Variants in TLL2 observed in about 807,000 individuals in gnomAD.
TLL2 encodes tolloid like 2.
In TLL2, 106 loss-of-function variants were observed where a neutral mutation model predicts 123.0. That is an observed-to-expected ratio of 0.86 (90% CI 0.74 to 1.01). The LOEUF is 1.01. Among genes scored for constraint, TLL2 ranks in the 50% least tolerant of loss-of-function variants. The pLI, the probability that TLL2 is intolerant of heterozygous loss-of-function variation, is 0.00. For synonymous variants in TLL2, 494 were observed against 516.8 expected (o/e 0.96, Z 0.60); for missense variants, 1,332 against 1,336.7 (o/e 1.00, Z 0.06).
chr10:96,386,269 T>C, intron 14 of TLL2, 54 bp from the exon 15 acceptor site: 1 of 1,475,576 alleles, frequency 6.8e-7, no homozygotes, highest in Non-Finnish European at 9.0e-7. Context: ...CAGGTGACTG[T>C]GATTTCCCAC....
intron 17 of TLL2, among the ~76,000 whole-genome samples, chr10:96,377,377 T>C (rs1358567266): frequency 6.6e-6 from 1 of 152,168 alleles, no homozygotes; most frequent in Non-Finnish European, 1.5e-5. Context: ...GTCTACCAAG[T>C]TTGTCCTGGT....
intron 4 of TLL2, among the ~76,000 whole-genome samples, chr10:96,431,404 C>T (rs922944973): frequency 2.0e-5 from 3 of 152,156 alleles, no homozygotes; most frequent in Non-Finnish European, 4.4e-5. Context: ...TACTCATCAG[C>T]GATTCTCAGT....
chr10:96,373,143 AT>A (rs147456510), intron 19 of TLL2: 21,719 of 153,568 alleles, frequency 0.14, 1,603 homozygotes, highest in South Asian at 0.23. Flanking sequence ...GCTTCATTTT[AT>A]TTTTTTTATT....
intron 3 of TLL2, among the ~76,000 whole-genome samples, chr10:96,441,025 G>A (rs1251033611): frequency 6.6e-6 from 1 of 152,152 alleles, no homozygotes; most frequent in African/African-American, 2.4e-5. Context: ...TTAACACGCT[G>A]GGGGTAGGGT....
At position 96,368,227 on chromosome 10, in the gene TLL2, G is replaced by A. The variant is rs761115276; in HGVS notation, c.2914-5C>T. On this transcript the variant is annotated splice_region_variant and splice_polypyrimidine_tract_variant and intron_variant, in intron 20 of 20. Transcript: ENST00000357947. ...AGAGTAGATTTCTTCTAATGGCTGA[G>A]GAAAGGAGAAAGGGAAACGAGAAGG... 7.5e-5 allele frequency: 121 copies of A among 1,613,530 alleles called. No homozygotes were observed. The highest frequency in any genetic ancestry group is 9.7e-5 in the Non-Finnish European group (115 of 1,179,974).
At chr10:96,436,889 T>C (rs1184052515) in intron 3 of TLL2, among the ~76,000 whole-genome samples, 3 of 152,164 alleles carry the variant, frequency 2.0e-5, no homozygotes, top group East Asian at 1.9e-4. Flanking sequence ...TTTCATCATG[T>C]TGCCCAGACT....
intron 2 of TLL2, among the ~76,000 whole-genome samples, chr10:96,449,067 G>A (rs1846928254): frequency 6.6e-6 from 1 of 152,324 alleles, no homozygotes; most frequent in Admixed American, 6.5e-5. Flanking sequence ...CCCAATTATA[G>A]TGCAAACCAT....
intron 5 of TLL2, among the ~76,000 whole-genome samples, chr10:96,423,047 G>A (rs1846641429): frequency 6.7e-6 from 1 of 149,780 alleles, no homozygotes; most frequent in African/African-American, 2.5e-5. Flanking sequence ...AGAACTGCTT[G>A]AACCCCGGAG....
chr10:96,385,244 C>T (rs1054203354), intron 15 of TLL2, among the ~76,000 whole-genome samples: 2 of 152,164 alleles, frequency 1.3e-5, no homozygotes, highest in African/African-American at 4.8e-5. Flanking sequence ...TGTCTGAAGT[C>T]ACATAGCTCA....
chr10:96,459,052 ATT>A (rs756058889), intron 2 of TLL2, among the ~76,000 whole-genome samples: 136 of 152,358 alleles, frequency 8.9e-4, no homozygotes, highest in Non-Finnish European at 1.4e-3. Context: ...AGAATTATGC[ATT>A]TTTATCGCAA....
intron 1 of TLL2, among the ~76,000 whole-genome samples, chr10:96,511,475 G>A (rs1323953128): frequency 6.6e-6 from 1 of 152,206 alleles, no homozygotes; most frequent in Non-Finnish European, 1.5e-5. Context: ...TCTGAGGAGG[G>A]TGCCTGCAGC....
chr10:96,480,200 A>C, intron 2 of TLL2, 149 bp downstream of exon 2: 1 of 655,030 alleles, frequency 1.5e-6, no homozygotes. Flanking sequence ...GCTCCAGTGG[A>C]GAAGGAGAAG....
chr10:96,452,752 C>CAATG (rs1846973928), intron 2 of TLL2, among the ~76,000 whole-genome samples: 3 of 152,054 alleles, frequency 2.0e-5, no homozygotes, highest in Non-Finnish European at 2.9e-5. Flanking sequence ...CGGGGAAGGG[C>CAATG]AATGAATGAA....
chr10:96,381,833 G>T (rs1472976327), intron 16 of TLL2, among the ~76,000 whole-genome samples: 1 of 152,018 alleles, frequency 6.6e-6, no homozygotes, highest in Non-Finnish European at 1.5e-5. Context: ...AACATGACTT[G>T]CTCAGTGAGA....
intron 2 of TLL2, among the ~76,000 whole-genome samples, chr10:96,470,400 G>C (rs1470627174): frequency 6.6e-6 from 1 of 152,244 alleles, no homozygotes; most frequent in Non-Finnish European, 1.5e-5. Context: ...TGACACCACT[G>C]ATGTGCCCAG....
intron 3 of TLL2, 141 bp downstream of exon 3, chr10:96,445,950 G>C (rs1490127794): frequency 4.8e-6 from 4 of 835,114 alleles, no homozygotes; most frequent in Non-Finnish European, 7.8e-6. Flanking sequence ...AACTCAATAG[G>C]GGTAATGGTT....
At chr10:96,407,252 C>T (rs946030304) in intron 9 of TLL2, among the ~76,000 whole-genome samples, 2 of 152,122 alleles carry the variant, frequency 1.3e-5, no homozygotes, top group Non-Finnish European at 2.9e-5. Context: ...AGAAACCCTT[C>T]CCAGGCCTGC....
chr10:96,442,845 G>A (rs1357287351), intron 3 of TLL2, among the ~76,000 whole-genome samples: 1 of 152,182 alleles, frequency 6.6e-6, no homozygotes, highest in Non-Finnish European at 1.5e-5. Flanking sequence ...TTTCAATGCT[G>A]GATAATATAA....
intron 1 of TLL2, among the ~76,000 whole-genome samples, chr10:96,483,093 CAA>C (rs1271656288): frequency 6.6e-6 from 1 of 151,898 alleles, no homozygotes; most frequent in Non-Finnish European, 1.5e-5. Flanking sequence ...AGCGTAGGAC[CAA>C]AAAAAGTCAT....
Sources: allele counts gnomAD v4.1 joint callset (sites outside exome capture counted in the v4.1 genomes callset), GRCh38; gene constraint gnomAD v4.1.1; transcripts MANE v1.5; gene names NCBI Gene and HGNC (gene_info 2026-07-23, HGNC 2026-07-21).